PIGN: variants seen among roughly 807,000 people sequenced by gnomAD.
PIGN encodes GPI ethanolamine phosphate transferase 1.
In PIGN, 117 loss-of-function variants were observed where a neutral mutation model predicts 125.4. That is an observed-to-expected ratio of 0.93 (90% CI 0.80 to 1.09). The LOEUF is 1.09. PIGN is among the 50% of genes least tolerant of loss of function. PIGN has a pLI of 0.00. For synonymous variants in PIGN, 392 were observed against 377.8 expected, an observed-to-expected ratio of 1.04 and a Z score of -0.44; for missense variants, 1,075 against 1,094.9, an observed-to-expected ratio of 0.98 and a Z score of 0.26.
In PIGN at chr18:62,101,021, T is replaced by A. The variant is rs373631945; in HGVS notation, c.2077+54A>T. On this transcript the variant is annotated intron_variant, in intron 22 of 30. Transcript: ENST00000640252. ...TGATACAGACATAAACAGATCATTT[T>A]AAAATAACTAAGTTGATGTCAAATT... 783 of 915,678 alleles carry A rather than the reference T, an allele frequency of 8.6e-4. 6 individuals are homozygous for A. In the African/African-American group the frequency reaches 0.012, roughly 14 times the overall value. The allele number at this position is 915,678 out of a possible 1,614,324, so 56.7% of individuals were successfully genotyped here. A position where few individuals can be genotyped will look rare whatever the true frequency, so the allele number is the denominator to read the frequency against.
chr18:62,060,844 T>C (rs1327679283), intron 30 of PIGN, among the ~76,000 whole-genome samples: 1 of 152,216 alleles, frequency 6.6e-6, no homozygotes, highest in African/African-American at 2.4e-5. Flanking sequence ...TTTTTTTCTC[T>C]AGTTTTAAAA....
intron 30 of PIGN, among the ~76,000 whole-genome samples, chr18:62,056,211 A>T (rs1375111549): frequency 1.3e-5 from 2 of 151,544 alleles, no homozygotes; most frequent in Non-Finnish European, 2.9e-5. Flanking sequence ...CTAAAGTAAA[A>T]CTCACCCTGC....
At chr18:62,172,352 T>C (rs2037371489) in intron 1 of PIGN, among the ~76,000 whole-genome samples, 1 of 152,160 alleles carries the variant, frequency 6.6e-6, no homozygotes, top group Non-Finnish European at 1.5e-5. Context: ...TAAGTCATTT[T>C]TCAAGTACTT....
At position 62,044,379 on chromosome 18, in the gene PIGN, A is replaced by C. The variant is rs905610531; in HGVS notation, c.*1477T>G. On this transcript the variant is annotated 3_prime_UTR_variant, in exon 31 of 31. Coordinates refer to ENST00000640252, the MANE Select transcript of PIGN (RefSeq NM_176787.5). ...AAAAAACTGATAAAAAAATCCTTTG[A>C]GGTAATATGAAAGTTCATGATTCTC... The C allele has an allele frequency of 1.3e-5, 2 of 152,236 alleles. No individual in the cohort carries two copies. The highest frequency in any genetic ancestry group is 2.9e-5 in the Non-Finnish European group (2 of 68,040). The allele number at this position is 152,236 out of a possible 1,614,324, so 9.4% of individuals were successfully genotyped here. A position where few individuals can be genotyped will look rare whatever the true frequency, so the allele number is the denominator to read the frequency against.
At chr18:62,181,907 G>A (rs1277685677) in intron 1 of PIGN, among the ~76,000 whole-genome samples, 1 of 151,926 alleles carries the variant, frequency 6.6e-6, no homozygotes, top group Non-Finnish European at 1.5e-5. Flanking sequence ...TGTATTTTTA[G>A]TAGAGACAGG....
At chr18:62,105,777 T>G in intron 19 of PIGN, 143 bp from the exon 20 acceptor site, 1 of 516,728 alleles carries the variant, frequency 1.9e-6, no homozygotes, top group Middle Eastern at 4.3e-4. Flanking sequence ...AAATACTTTC[T>G]AGCAGAATCA....
intron 14 of PIGN, among the ~76,000 whole-genome samples, chr18:62,133,386 T>C (rs2035810447): frequency 6.6e-6 from 1 of 152,208 alleles, no homozygotes; most frequent in African/African-American, 2.4e-5. Context: ...TTTAGAGTTA[T>C]AATAGCTTTA....
chr18:62,106,743 A>C, intron 19 of PIGN, 46 bp downstream of exon 19: 1 of 1,270,058 alleles, frequency 7.9e-7, no homozygotes. Flanking sequence ...ATGTGTCAAA[A>C]CAAAGTAGTT....
Position 62,086,634 on chromosome 18 carries a change from T to C in PIGN, c.2371-1370A>G, listed in dbSNP as rs73964839. 4.8e-5 allele frequency among the ~76,000 whole-genome samples: 6 copies of C among 125,818 alleles called. No individual in the cohort carries two copies. In the South Asian group the frequency reaches 7.1e-4, roughly 15 times the overall value. The allele number at this position is 125,818 out of a possible 152,430, so 82.5% of individuals were successfully genotyped here. A position where few individuals can be genotyped will look rare whatever the true frequency, so the allele number is the denominator to read the frequency against. On this transcript the variant is annotated intron_variant, in intron 25 of 30. Coordinates refer to ENST00000640252, the MANE Select transcript of PIGN (RefSeq NM_176787.5). ...CCGTTTTTTGTTTTTTTTTTTTTTT[T>C]AAAAAGCCTGAACTTTATTGTGGAT...
chr18:62,164,568 CAGG>C (rs977850376), intron 1 of PIGN, among the ~76,000 whole-genome samples: 62 of 152,290 alleles, frequency 4.1e-4, no homozygotes, highest in East Asian at 5.8e-4. Flanking sequence ...CACTCACTAT[CAGG>C]AGAACAGCAA....
At position 62,102,908 on chromosome 18, in the gene PIGN, T is replaced by C. The variant is rs573426741; in HGVS notation, c.1860-6A>G. 2.7e-6 allele frequency: 4 copies of C among 1,478,282 alleles called. No individual in the cohort carries two copies. The South Asian group carries it at 5.4e-5, about 20-fold the overall frequency. The allele number at this position is 1,478,282 out of a possible 1,614,324, so 91.6% of individuals were successfully genotyped here. A position where few individuals can be genotyped will look rare whatever the true frequency, so the allele number is the denominator to read the frequency against. On this transcript the variant is annotated splice_region_variant and splice_polypyrimidine_tract_variant and intron_variant, in intron 20 of 30. Coordinates refer to ENST00000640252, the MANE Select transcript of PIGN (RefSeq NM_176787.5). ...CCAGCAAGCCTGCACCCATCCTGTT[T>C]TGAAATACAATTAATTTTAAATTTT... is the stretch of plus-strand genomic sequence containing the variant.
intron 23 of PIGN, among the ~76,000 whole-genome samples, chr18:62,034,002 G>A (rs1195972693): frequency 6.6e-6 from 1 of 152,172 alleles, no homozygotes; most frequent in African/African-American, 2.4e-5. Flanking sequence ...AAGAAGCAGA[G>A]CCCAGATGGG....
At chr18:62,091,248 G>A (rs1270884635) in intron 23 of PIGN, among the ~76,000 whole-genome samples, 1 of 152,126 alleles carries the variant, frequency 6.6e-6, no homozygotes, top group African/African-American at 2.4e-5. Context: ...GGGAGGCTGA[G>A]GCAGGAGAAT....
chr18:62,150,865 C>A (rs544801767), intron 7 of PIGN, among the ~76,000 whole-genome samples: 14 of 151,954 alleles, frequency 9.2e-5, no homozygotes, highest in African/African-American at 3.4e-4. Context: ...CCATGCCCGG[C>A]TAATTTTTGT....
intron 30 of PIGN, among the ~76,000 whole-genome samples, chr18:62,051,222 A>T (rs886206842): frequency 1.5e-4 from 23 of 152,168 alleles, no homozygotes; most frequent in African/African-American, 5.5e-4. Flanking sequence ...TCATAAAATG[A>T]GTTAGGGAGG....
intron 14 of PIGN, among the ~76,000 whole-genome samples, chr18:62,115,567 A>G (rs939811950): frequency 1.3e-5 from 2 of 151,336 alleles, no homozygotes; most frequent in African/African-American, 4.9e-5. Flanking sequence ...GACATAATAT[A>G]ATCACTTATC....
intron 30 of PIGN, 142 bp from the exon 31 acceptor site, chr18:62,046,121 T>C (rs2030660209): frequency 1.3e-6 from 1 of 791,194 alleles, no homozygotes; most frequent in African/African-American, 1.7e-5. Flanking sequence ...TTATTCCTCC[T>C]GCTAAGTACA....
chr18:62,177,884 G>T (rs1237002977), intron 1 of PIGN, among the ~76,000 whole-genome samples: 1 of 152,130 alleles, frequency 6.6e-6, no homozygotes, highest in African/African-American at 2.4e-5. Context: ...CTCAGCTGAA[G>T]TACTCTCACA....
chr18:62,132,279 T>C (rs767859964), intron 14 of PIGN, among the ~76,000 whole-genome samples: 1 of 152,182 alleles, frequency 6.6e-6, no homozygotes, highest in Admixed American at 6.5e-5. Context: ...ACTCAGTAAA[T>C]GGTGATAACT....
Sources: gnomAD v4.1 joint callset for allele counts (sites outside exome capture counted in the v4.1 genomes callset) on GRCh38, gnomAD v4.1.1 for gene constraint, MANE v1.5 for transcripts, NCBI Gene and HGNC (gene_info 2026-07-23, HGNC 2026-07-21) for gene names.